Variants in UBE2D3 observed in about 807,000 individuals in gnomAD.
UBE2D3 encodes the protein ubiquitin-conjugating enzyme E2 D3.
Under a neutral mutation model 22.8 loss-of-function variants are expected in UBE2D3, and 2 were observed. That is an observed-to-expected ratio of 0.09 (90% CI 0.04 to 0.28). The LOEUF (loss-of-function observed/expected upper bound fraction) is 0.28, where lower values mean the gene tolerates loss of function less well. Among genes scored for constraint, UBE2D3 ranks in the 10% least tolerant of loss-of-function variants. The pLI is 1.00. For synonymous variants in UBE2D3, 56 were observed against 60.4 expected (o/e 0.93, Z 0.34); for missense variants, 27 against 182.5 (o/e 0.15, Z 4.91).
intron 7 of UBE2D3, 108 bp downstream of exon 7, chr4:102,799,299 A>T: frequency 1.2e-6 from 1 of 852,224 alleles, no homozygotes; most frequent in Non-Finnish European, 1.8e-6. Flanking sequence ...TCCATATTTT[A>T]ACTATTATCT....
chr4:102,809,626 G>C (rs1465179635), intron 4 of UBE2D3, 46 bp downstream of exon 4: 51 of 1,534,734 alleles, frequency 3.3e-5, no homozygotes, highest in Non-Finnish European at 4.2e-5. Context: ...CCAAATCAAT[G>C]CTGGATTTTC....
intron 1 of UBE2D3, among the ~76,000 whole-genome samples, chr4:102,857,672 T>C (rs1732691719): frequency 6.6e-6 from 1 of 152,192 alleles, no homozygotes; most frequent in African/African-American, 2.4e-5. Context: ...CTGTAACATG[T>C]ATATATATTT....
At position 102,795,946 on chromosome 4, in the gene UBE2D3, C is replaced by T. The variant is rs1725230516; in HGVS notation, c.*1469G>A. ...GTTACTACAGAAGTTAAATCAGTGGCACAGATAGCACTTGTCAAACAAAAA... is the reference window on the plus strand; with the variant it reads ...GTTACTACAGAAGTTAAATCAGTGGTACAGATAGCACTTGTCAAACAAAAA... On this transcript the variant is annotated 3_prime_UTR_variant, in exon 8 of 8. Coordinates refer to ENST00000453744, the MANE Select transcript of UBE2D3 (RefSeq NM_181891.3). 1 of 152,430 alleles carries T rather than the reference C, an allele frequency of 6.6e-6. No homozygotes were observed. Among genetic ancestry groups the T allele is most frequent in the Non-Finnish European group, 1.5e-5 (1 of 67,906 alleles). 9.4% of individuals were successfully genotyped at this position (152,430 alleles called of 1,614,324 possible).
intron 4 of UBE2D3, chr4:102,809,202 C>A: frequency 3.2e-6 from 1 of 313,136 alleles, no homozygotes; most frequent in Non-Finnish European, 6.9e-6. Flanking sequence ...CAAAATATCA[C>A]TTTCTGCCTA....
intron 1 of UBE2D3, among the ~76,000 whole-genome samples, chr4:102,838,423 C>T (rs966027968): frequency 6.6e-6 from 1 of 152,152 alleles, no homozygotes; most frequent in Non-Finnish European, 1.5e-5. Context: ...GAAAACACCA[C>T]AGATCAGATC....
intron 1 of UBE2D3, among the ~76,000 whole-genome samples, chr4:102,851,991 GTACA>G (rs1226296817): frequency 6.6e-6 from 1 of 152,088 alleles, no homozygotes; most frequent in Non-Finnish European, 1.5e-5. Flanking sequence ...TGTTAGCTGG[GTACA>G]TTGCTACATG....
intron 1 of UBE2D3, among the ~76,000 whole-genome samples, chr4:102,860,051 G>C (rs1306718410): frequency 6.6e-6 from 1 of 152,004 alleles, no homozygotes. Flanking sequence ...GTTTCACCAT[G>C]TTAGCCAGGA....
chr4:102,808,017 C>T (rs947007458), intron 4 of UBE2D3, among the ~76,000 whole-genome samples: 17 of 152,318 alleles, frequency 1.1e-4, no homozygotes, highest in African/African-American at 4.1e-4. Context: ...CTATCAACTA[C>T]CCTCTGAATC....
chr4:102,856,338 G>A (rs997702048), intron 1 of UBE2D3, among the ~76,000 whole-genome samples: 17 of 152,260 alleles, frequency 1.1e-4, no homozygotes, highest in African/African-American at 3.1e-4. Context: ...CTGCACTCCC[G>A]TCTGGGCAAC....
intron 1 of UBE2D3, among the ~76,000 whole-genome samples, chr4:102,860,592 C>T (rs1578300741): frequency 6.6e-6 from 1 of 151,886 alleles, no homozygotes; most frequent in Non-Finnish European, 1.5e-5. Flanking sequence ...TATGCCCATT[C>T]CATTCCTCTT....
At chr4:102,814,098 G>A (rs1457450583) in intron 2 of UBE2D3, among the ~76,000 whole-genome samples, 1 of 152,146 alleles carries the variant, frequency 6.6e-6, no homozygotes, top group African/African-American at 2.4e-5. Flanking sequence ...AGAAATGGAA[G>A]AAAATTCATT....
intron 1 of UBE2D3, among the ~76,000 whole-genome samples, chr4:102,860,855 G>A (rs1406494107): frequency 1.3e-5 from 2 of 151,826 alleles, no homozygotes; most frequent in African/African-American, 4.8e-5. Context: ...TGCTGGGTGT[G>A]CTTGTCAGTT....
At chr4:102,799,036 T>G in intron 7 of UBE2D3, 3 of 1,500,240 alleles carry the variant, frequency 2.0e-6, no homozygotes, top group Admixed American at 1.7e-5. Context: ...AATGGTTAAG[T>G]TGAACATAAA....
chr4:102,863,754 A>G lies in UBE2D3; in HGVS notation c.-129+4961T>C, dbSNP rs549972852. Among the ~76,000 whole-genome samples, 3 of 152,186 alleles carry G rather than the reference A, an allele frequency of 2.0e-5. No homozygotes were observed. The South Asian group carries it at 6.2e-4, about 31-fold the overall frequency. ...AGTGATCTGCCCAGCTCAGCCTCCCAAAGTGCTGGGATTACAGACGTGGGT... is the reference window on the plus strand; with the variant it reads ...AGTGATCTGCCCAGCTCAGCCTCCCGAAGTGCTGGGATTACAGACGTGGGT... On this transcript the variant is annotated intron_variant, in intron 1 of 7. Coordinates refer to the UBE2D3 transcript ENST00000338145.
chr4:102,815,166 TC>T (rs1397776923), intron 2 of UBE2D3, among the ~76,000 whole-genome samples: 1 of 151,914 alleles, frequency 6.6e-6, no homozygotes, highest in African/African-American at 2.4e-5. Context: ...GCCTCAGCCT[TC>T]CGAGTAACTG....
intron 2 of UBE2D3, chr4:102,810,780 T>G (rs777683184): frequency 6.6e-6 from 1 of 152,168 alleles, no homozygotes; most frequent in Non-Finnish European, 1.5e-5. Flanking sequence ...TATGAAAATA[T>G]AGTTTATTAG....
upstream of UBE2D3, among the ~76,000 whole-genome samples, chr4:102,828,411 G>C (rs572360663): frequency 5.3e-5 from 8 of 152,082 alleles, no homozygotes; most frequent in Non-Finnish European, 1.0e-4. Flanking sequence ...AATAGACCCA[G>C]GTTGGCCGCT....
At chr4:102,829,926 AAAC>A (rs1389533610), upstream of UBE2D3, among the ~76,000 whole-genome samples, 3 of 152,248 alleles carry the variant, frequency 2.0e-5, no homozygotes, top group African/African-American at 7.2e-5. Flanking sequence ...TCTCAAAAAA[AAAC>A]AAGAACAAAA....
intron 4 of UBE2D3, among the ~76,000 whole-genome samples, chr4:102,805,207 CA>C: frequency 6.6e-6 from 1 of 152,036 alleles, no homozygotes; most frequent in Middle Eastern, 3.4e-3. Flanking sequence ...TCTGCCATGC[CA>C]AAAGAGGAAG....
Sources: gnomAD v4.1 joint callset for allele counts (sites outside exome capture counted in the v4.1 genomes callset) on GRCh38, gnomAD v4.1.1 for gene constraint, MANE v1.5 for transcripts, NCBI Gene and HGNC (gene_info 2026-07-23, HGNC 2026-07-21) for gene names.